SLC16A9: variants seen among roughly 807,000 people sequenced by gnomAD.
SLC16A9 encodes the protein solute carrier family 16 member 9.
Under a neutral mutation model 44.3 loss-of-function variants are expected in SLC16A9, and 26 were observed. The ratio of observed to expected loss-of-function variants is 0.59; its 90% CI spans 0.43 to 0.81. The LOEUF is 0.81. Among genes scored for constraint, SLC16A9 ranks in the 40% least tolerant of loss-of-function variants. The pLI, the probability that SLC16A9 is intolerant of heterozygous loss-of-function variation, is 0.00. For synonymous variants in SLC16A9, 230 were observed against 225.1 expected (o/e 1.02, Z -0.19); for missense variants, 559 against 595.8 (o/e 0.94, Z 0.64).
intron 1 of SLC16A9, among the ~76,000 whole-genome samples, chr10:59,695,899 A>G (rs774547103): frequency 1.3e-5 from 2 of 152,148 alleles, no homozygotes; most frequent in Admixed American, 1.3e-4. Context: ...CAATTTTTTC[A>G]ATTACTTCCT....
intron 4 of SLC16A9, among the ~76,000 whole-genome samples, chr10:59,660,391 G>A (rs1184826442): frequency 4.6e-5 from 7 of 152,116 alleles, no homozygotes; most frequent in Non-Finnish European, 1.0e-4. Flanking sequence ...AAGTAAACTG[G>A]AAAATCTAGA....
rs765145514 is a variant in SLC16A9 at position 59,653,975 on chromosome 10, T to C, written c.1051A>G (p.Ile351Val). The change falls in exon 5 of 6, where the codon ATT becomes GTT. Residue 351 changes from isoleucine (I) to valine (V), a missense_variant. Ile to Val is a conservative substitution (Grantham distance 29). Transcript: ENST00000395348. ...FIMPLISIIG[I>V]MTAVGKLLLG... The stretch of plus-strand genomic sequence containing the variant: ...AGCAGTTTACCAACTGCTGTCATAA[T>C]GCCTATAATGGAAATAAGTGGCATA... 2 of 1,613,968 alleles carry C rather than the reference T, an allele frequency of 1.2e-6. No individual in the cohort carries two copies. The highest frequency in any genetic ancestry group is 1.7e-6 in the Non-Finnish European group (2 of 1,180,036).
intron 4 of SLC16A9, among the ~76,000 whole-genome samples, chr10:59,657,397 T>C (rs1240009457): frequency 2.0e-5 from 3 of 152,158 alleles, no homozygotes; most frequent in Non-Finnish European, 2.9e-5. Flanking sequence ...ATATTTCAAG[T>C]GTTTTGATGC....
At chr10:59,653,255 T>TAAAAAAAAAA (rs1386108829) in intron 5 of SLC16A9, among the ~76,000 whole-genome samples, 1 of 147,602 alleles carries the variant, frequency 6.8e-6, no homozygotes, top group African/African-American at 2.6e-5. Flanking sequence ...CCGTCTCTAC[T>TAAAAAAAAAA]AAACAACAAC....
chr10:59,660,408 G>A (rs1839444810), intron 4 of SLC16A9, among the ~76,000 whole-genome samples: 2 of 152,072 alleles, frequency 1.3e-5, no homozygotes, highest in Admixed American at 1.3e-4. Context: ...TAGAATAAAT[G>A]GATAAATTCC....
intron 2 of SLC16A9, among the ~76,000 whole-genome samples, chr10:59,678,546 C>CTTTTTT (rs751112027): frequency 8.8e-3 from 251 of 28,598 alleles, no homozygotes; most frequent in East Asian, 0.026. Context: ...TTTTCTTTTT[C>CTTTTTT]TTTTTTTTGA....
At chr10:59,698,005 TA>T (rs1840440011) in intron 1 of SLC16A9, among the ~76,000 whole-genome samples, 2 of 148,474 alleles carry the variant, frequency 1.3e-5, no homozygotes, top group Non-Finnish European at 3.0e-5. Context: ...AAACCCTCAA[TA>T]AATGTTAGCT....
chr10:59,688,927 A>C (rs1208084415), intron 1 of SLC16A9, among the ~76,000 whole-genome samples: 1 of 152,008 alleles, frequency 6.6e-6, no homozygotes, highest in Non-Finnish European at 1.5e-5. Flanking sequence ...TTCAAACCTA[A>C]GTAGACAAAA....
chr10:59,694,098 C>T (rs950730228), intron 1 of SLC16A9, among the ~76,000 whole-genome samples: 16 of 151,948 alleles, frequency 1.1e-4, no homozygotes, highest in African/African-American at 3.6e-4. Flanking sequence ...CCACCACGCC[C>T]GGTAACTTTT....
intron 2 of SLC16A9, among the ~76,000 whole-genome samples, chr10:59,674,261 G>A (rs572506361): frequency 1.3e-5 from 2 of 152,094 alleles, no homozygotes; most frequent in African/African-American, 4.8e-5. Context: ...ACAGAGGTAG[G>A]TTCCAATAAC....
chr10:59,661,634 T>A (rs1017809030), intron 4 of SLC16A9, among the ~76,000 whole-genome samples: 4 of 152,126 alleles, frequency 2.6e-5, no homozygotes, highest in Admixed American at 6.5e-5. Flanking sequence ...CTTCACAGAA[T>A]TGGAAAAAAA....
chr10:59,653,297 G>A (rs1403677339), intron 5 of SLC16A9, among the ~76,000 whole-genome samples: 1 of 151,444 alleles, frequency 6.6e-6, no homozygotes, highest in Non-Finnish European at 1.5e-5. Flanking sequence ...GTGGTGGCAG[G>A]TGCCTTTAGT....
At chr10:59,696,520 C>T (rs547603272) in intron 1 of SLC16A9, among the ~76,000 whole-genome samples, 11,047 of 152,128 alleles carry the variant, frequency 0.073, 589 homozygotes, top group African/African-American at 0.14. Context: ...TCTGCCCGGC[C>T]GCCACCCCGT....
At chr10:59,701,661 C>T (rs1395457459) in intron 1 of SLC16A9, among the ~76,000 whole-genome samples, 5 of 152,176 alleles carry the variant, frequency 3.3e-5, no homozygotes, top group African/African-American at 1.2e-4. Flanking sequence ...AAATAACTAG[C>T]CAGTTACCTG....
intron 2 of SLC16A9, among the ~76,000 whole-genome samples, chr10:59,674,431 C>T (rs543661611): frequency 6.6e-6 from 1 of 152,274 alleles, no homozygotes; most frequent in Admixed American, 6.5e-5. Context: ...CTCCCATTTT[C>T]AGGCCCTCTT....
At chr10:59,708,422 A>G (rs117472866) in intron 1 of SLC16A9, among the ~76,000 whole-genome samples, 3,030 of 152,318 alleles carry the variant, frequency 0.02, 58 homozygotes, top group Non-Finnish European at 0.028. Context: ...CAACTCAAAT[A>G]TAAGAAACTG....
chr10:59,694,358 T>C (rs73265543), intron 1 of SLC16A9, among the ~76,000 whole-genome samples: 11,102 of 152,166 alleles, frequency 0.073, 588 homozygotes, highest in African/African-American at 0.14. Flanking sequence ...ATACTAAATA[T>C]TGAAAGTAAG....
At chr10:59,697,182 C>G (rs1331447383) in intron 1 of SLC16A9, among the ~76,000 whole-genome samples, 1 of 149,224 alleles carries the variant, frequency 6.7e-6, no homozygotes, top group East Asian at 2.0e-4. Context: ...GCCGCCCCTA[C>G]TGGGAAGTGA....
intron 4 of SLC16A9, among the ~76,000 whole-genome samples, chr10:59,654,908 G>A (rs780313866): frequency 1.1e-4 from 17 of 152,120 alleles, no homozygotes; most frequent in Non-Finnish European, 1.6e-4. Context: ...GGCTGGAATG[G>A]TTGAGAAATT....
Sources: allele counts gnomAD v4.1 joint callset (sites outside exome capture counted in the v4.1 genomes callset), GRCh38; gene constraint gnomAD v4.1.1; transcripts MANE v1.5; gene names NCBI Gene and HGNC (gene_info 2026-07-23, HGNC 2026-07-21).